The following SLCO3A1 variants were observed in gnomAD, a reference collection of about 807,000 sequenced individuals.
SLCO3A1 encodes the protein PGE1 transporter.
SLCO3A1 carries 27 observed loss-of-function variants against 63.1 expected under a neutral mutation model. That is an observed-to-expected ratio of 0.43 (90% CI 0.32 to 0.59). The LOEUF (loss-of-function observed/expected upper bound fraction) is 0.59, where lower values mean the gene tolerates loss of function less well. Among genes scored for constraint, SLCO3A1 ranks in the 20% least tolerant of loss-of-function variants. The probability of loss-of-function intolerance (pLI) is 0.09; values close to 1 mark genes in which losing one functional copy is unlikely to be tolerated. For synonymous variants in SLCO3A1, 473 were observed against 409.9 expected, an observed-to-expected ratio of 1.15 and a Z score of -1.86; for missense variants, 773 against 945.8, an observed-to-expected ratio of 0.82 and a Z score of 2.40.
intron 3 of SLCO3A1, among the ~76,000 whole-genome samples, chr15:92,095,594 G>A (rs1457315921): frequency 6.6e-6 from 1 of 152,206 alleles, no homozygotes; most frequent in Non-Finnish European, 1.5e-5. Flanking sequence ...CATGATTGTG[G>A]GATTGAATGG....
rs1022634367 is a variant in SLCO3A1, at chr15:91,882,535, G to A, written c.180+28447G>A. On this transcript the variant is annotated intron_variant, in intron 1 of 9. Coordinates refer to ENST00000318445, the MANE Select transcript of SLCO3A1 (RefSeq NM_013272.4). This position sits in a 1 kb window ranked among gnomAD's most constrained non-coding sequence, Gnocchi z 4.4. ...TGTATGACTTCTTTTTTTTCCTTGA[G>A]ATGGAGTTTCACTCTGTCGCCCAGG... Among the ~76,000 whole-genome samples, 2 of 149,002 alleles carry A rather than the reference G, an allele frequency of 1.3e-5. No homozygotes were observed. Among genetic ancestry groups the A allele is most frequent in the Admixed American group, 1.3e-4 (2 of 14,992 alleles).
chr15:92,164,516 A>G lies in SLCO3A1; in HGVS notation c.*1381A>G. ...GCGTTCTTTTCAGCCTGTGGAGGAG[A>G]CACTCTTAGATGTGGGTTTGTGTGT... is the stretch of plus-strand genomic sequence containing the variant. On this transcript the variant is annotated 3_prime_UTR_variant, in exon 10 of 10. Coordinates refer to ENST00000318445, the MANE Select transcript of SLCO3A1 (RefSeq NM_013272.4). 1.2e-5 allele frequency: 12 copies of G among 985,344 alleles called. No individual in the cohort carries two copies. The highest frequency in any genetic ancestry group is 1.7e-5 in the African/African-American group (1 of 57,330). 61.0% of individuals were successfully genotyped at this position (985,344 alleles called of 1,614,324 possible). A position where few individuals can be genotyped will look rare whatever the true frequency, so the allele number is the denominator to read the frequency against.
intron 9 of SLCO3A1, among the ~76,000 whole-genome samples, chr15:92,157,492 A>ATTTT (rs201261449): frequency 1.4e-5 from 2 of 141,324 alleles, no homozygotes; most frequent in Non-Finnish European, 3.1e-5. Context: ...ATGTGGAGAA[A>ATTTT]TTTTTTTTTT....
At position 92,164,039 on chromosome 15, in the gene SLCO3A1, G is replaced by GA. The variant is rs2048472513; in HGVS notation, c.*911dup. 5 of 984,754 alleles carry GA rather than the reference G, an allele frequency of 5.1e-6. No homozygotes were observed. Among genetic ancestry groups the GA allele is most frequent in the African/African-American group, 3.5e-5 (2 of 57,208 alleles). 61.0% of individuals were successfully genotyped at this position (984,754 alleles called of 1,614,324 possible). A position where few individuals can be genotyped will look rare whatever the true frequency, so the allele number is the denominator to read the frequency against. On this transcript the variant is annotated 3_prime_UTR_variant, in exon 10 of 10. Transcript: ENST00000318445. The stretch of plus-strand genomic sequence containing the variant: ...CAAAAACATTTTGCCATTTTTAAAA[G>GA]AAAAAAATACAATCCATATGAATTT...
intron 2 of SLCO3A1, among the ~76,000 whole-genome samples, chr15:91,958,676 C>G (rs188535868): frequency 1.3e-5 from 2 of 152,150 alleles, no homozygotes; most frequent in East Asian, 1.9e-4. Context: ...AATTCATATA[C>G]TATAAAATTT....
rs369848299 is a variant in SLCO3A1 at position 91,859,827 on chromosome 15, CATA to C, written c.180+5744_180+5746del. Among the ~76,000 whole-genome samples the C allele has an allele frequency of 6.6e-6, 1 of 152,130 alleles. No homozygotes were observed. The highest frequency in any genetic ancestry group is 1.5e-5 in the Non-Finnish European group (1 of 68,028). ...TATGGTTATGCATATTTACTGCAAA[CATA>C]ATAACCGTGTAGCCCCAACCAATGA... On this transcript the variant is annotated intron_variant, in intron 1 of 9. Transcript: ENST00000318445. The surrounding 1 kb of genome is among the most constrained non-coding windows in gnomAD (Gnocchi z 5.1).
rs2151481416 is a variant in SLCO3A1, at chr15:92,033,335, C to T, written c.647-61546C>T. On this transcript the variant is annotated intron_variant, in intron 2 of 9. Coordinates refer to ENST00000318445, the MANE Select transcript of SLCO3A1 (RefSeq NM_013272.4). The surrounding 1 kb of genome is among the most constrained non-coding windows in gnomAD (Gnocchi z 4.5). ...GTATTTCTGCCCTTTGGAGAGACTT[C>T]TGCAACCCTCCTCTCCTCCAAGAGC... Among the ~76,000 whole-genome samples the T allele has an allele frequency of 6.6e-6, 1 of 152,338 alleles. No individual in the cohort carries two copies. Among genetic ancestry groups the T allele is most frequent in the East Asian group, 1.9e-4 (1 of 5,184 alleles).
At chr15:91,972,619 C>T (rs2151429934) in intron 2 of SLCO3A1, among the ~76,000 whole-genome samples, 1 of 152,286 alleles carries the variant, frequency 6.6e-6, no homozygotes, top group South Asian at 2.1e-4. Context: ...GACTGAGGCT[C>T]AAGGCACCAG....
rs2046680332 is a variant in SLCO3A1, at chr15:92,033,402, C to A, written c.647-61479C>A. 6.6e-6 allele frequency among the ~76,000 whole-genome samples: 1 copy of A among 152,194 alleles called. No individual in the cohort carries two copies. The highest frequency in any genetic ancestry group is 2.4e-5 in the African/African-American group (1 of 41,440). On this transcript the variant is annotated intron_variant, in intron 2 of 9. Coordinates refer to ENST00000318445, the MANE Select transcript of SLCO3A1 (RefSeq NM_013272.4). This position sits in a 1 kb window ranked among gnomAD's most constrained non-coding sequence, Gnocchi z 4.5. ...CTTGCATTCTCCCTCCAACTCTCTT[C>A]CCCTTAGTGGAGAAGTAACGATGTT... is the stretch of plus-strand genomic sequence containing the variant.
At chr15:92,049,869 A>G (rs1184441511) in intron 2 of SLCO3A1, among the ~76,000 whole-genome samples, 1 of 152,186 alleles carries the variant, frequency 6.6e-6, no homozygotes, top group Non-Finnish European at 1.5e-5. Flanking sequence ...CAGCTTTGTA[A>G]TGTACAGTGA....
chr15:92,037,395 A>G (rs1396566053), intron 2 of SLCO3A1, among the ~76,000 whole-genome samples: 1 of 152,192 alleles, frequency 6.6e-6, no homozygotes, highest in Non-Finnish European at 1.5e-5. Flanking sequence ...AGAAATGGTC[A>G]AGCTAGGTTT....
intron 4 of SLCO3A1, among the ~76,000 whole-genome samples, chr15:92,105,586 A>T (rs1045646685): frequency 1.3e-5 from 2 of 152,304 alleles, no homozygotes; most frequent in Non-Finnish European, 2.9e-5. Context: ...AAGGAGCTGA[A>T]TGTAGCCTGG....
At chr15:92,148,940 C>G (rs940701282) in intron 8 of SLCO3A1, 1 of 152,184 alleles carries the variant, frequency 6.6e-6, no homozygotes, top group African/African-American at 2.4e-5. Context: ...TGCATTTGGA[C>G]AAAACCCATC....
At chr15:91,993,869 T>C (rs559645419) in intron 2 of SLCO3A1, among the ~76,000 whole-genome samples, 1 of 152,308 alleles carries the variant, frequency 6.6e-6, no homozygotes, top group South Asian at 2.1e-4. Flanking sequence ...CACCATGTTG[T>C]GAGGACACCT....
chr15:92,123,017 A>G (rs1399299004), intron 5 of SLCO3A1, among the ~76,000 whole-genome samples: 3 of 152,222 alleles, frequency 2.0e-5, no homozygotes, highest in Non-Finnish European at 4.4e-5. Context: ...GCTGCTAGAA[A>G]TGTTCTAAGG....
chr15:91,890,359 T>A (rs1289059879), intron 1 of SLCO3A1, among the ~76,000 whole-genome samples: 1 of 152,184 alleles, frequency 6.6e-6, no homozygotes, highest in African/African-American at 2.4e-5. Context: ...TCCCTAATCA[T>A]GACTATGTGC....
chr15:92,166,514 G>T (rs1206480208), downstream of SLCO3A1, among the ~76,000 whole-genome samples: 3 of 152,090 alleles, frequency 2.0e-5, no homozygotes, highest in African/African-American at 7.2e-5. Flanking sequence ...CCAGTCCCCC[G>T]ATTCCACTGC....
intron 1 of SLCO3A1, among the ~76,000 whole-genome samples, chr15:91,904,012 G>A (rs1423529191): frequency 6.6e-6 from 1 of 152,060 alleles, no homozygotes; most frequent in Non-Finnish European, 1.5e-5. Flanking sequence ...AGGTCTTCAG[G>A]AGATGGGAAG....
chr15:92,095,753 G>T (rs1189117695), intron 3 of SLCO3A1, among the ~76,000 whole-genome samples: 1 of 152,162 alleles, frequency 6.6e-6, no homozygotes, highest in East Asian at 1.9e-4. Context: ...GGCTCATCGT[G>T]GTGACCTGTA....
Sources: gnomAD v4.1 joint callset for allele counts (sites outside exome capture counted in the v4.1 genomes callset) on GRCh38, gnomAD v4.1.1 for gene constraint, Gnocchi (gnomAD v3.1) non-coding constraint, MANE v1.5 for transcripts, NCBI Gene and HGNC (gene_info 2026-07-23, HGNC 2026-07-21) for gene names.